PAX8: variants seen among roughly 807,000 people sequenced by gnomAD.
PAX8 encodes the protein paired box protein Pax-8.
PAX8 carries 15 observed loss-of-function variants against 52.4 expected under a neutral mutation model. The observed-to-expected ratio is 0.29, with a 90% CI of 0.19 to 0.44. The LOEUF is 0.44. Ranked by LOEUF, PAX8 falls within the 20% of genes least tolerant of loss-of-function variation. The pLI is 1.00. For missense variants in PAX8, 554 were observed against 602.5 expected (o/e 0.92, Z 0.84); for synonymous variants, 284 against 249.7 (o/e 1.14, Z -1.29).
intron 1 of PAX8, 64 bp from the exon 2 acceptor site, chr2:113,278,533 C>T: frequency 2.3e-6 from 3 of 1,317,770 alleles, no homozygotes; most frequent in Non-Finnish European, 2.1e-6. Flanking sequence ...CCTCAGGCCC[C>T]CTCCCCAGGC....
Position 113,244,541 on chromosome 2 carries a change from A to G in PAX8, c.275T>C (p.Ile92Thr), listed in dbSNP as rs1246188811. Residue 92 changes from isoleucine to threonine, a missense_variant, in exon 4 of 12, where the codon ATT becomes ACT. Coordinates refer to ENST00000429538, the MANE Select transcript of PAX8 (RefSeq NM_003466.4). ...KVATPKVVEKIGDYKRQNPTM... is the reference protein window; with the variant it reads ...KVATPKVVEKTGDYKRQNPTM... ...AGGGTTCTGGCGTTTGTAGTCCCCA[A>G]TCTTCTCCACCACCTTGGGGGTGGC... is the stretch of plus-strand genomic sequence containing the variant. 5.6e-6 allele frequency: 9 copies of G among 1,613,916 alleles called. No homozygotes were observed. The highest frequency in any genetic ancestry group is 5.1e-6 in the Non-Finnish European group (6 of 1,179,966).
chr2:113,252,251 A>G (rs1451262404), intron 2 of PAX8, among the ~76,000 whole-genome samples: 1 of 152,196 alleles, frequency 6.6e-6, no homozygotes, highest in African/African-American at 2.4e-5. Flanking sequence ...TGCCTTTCAA[A>G]TCATGCCAGG....
intron 9 of PAX8, among the ~76,000 whole-genome samples, chr2:113,233,692 CA>C (rs1247417571): frequency 1.0e-4 from 14 of 136,054 alleles, no homozygotes; most frequent in South Asian, 1.0e-3. Context: ...AACAAAAAAA[CA>C]AAAAAAAAAG....
At chr2:113,234,628 C>G (rs548252803) in intron 9 of PAX8, among the ~76,000 whole-genome samples, 110 of 152,352 alleles carry the variant, frequency 7.2e-4, no homozygotes, top group African/African-American at 2.5e-3. Context: ...TCAAGCGATT[C>G]TCCTGCCTCG....
intron 6 of PAX8, 43 bp from the exon 7 acceptor site, chr2:113,241,769 C>A: frequency 3.1e-6 from 5 of 1,603,408 alleles, no homozygotes; most frequent in African/African-American, 2.7e-5. Flanking sequence ...GGGGACCTAT[C>A]TATTCATGCT....
intron 9 of PAX8, among the ~76,000 whole-genome samples, chr2:113,229,365 G>A (rs1689759729): frequency 6.6e-6 from 1 of 152,232 alleles, no homozygotes; most frequent in African/African-American, 2.4e-5. Context: ...CATGCTACAG[G>A]TGGACATTGA....
intron 9 of PAX8, among the ~76,000 whole-genome samples, chr2:113,231,066 G>A (rs1689859519): frequency 6.6e-6 from 1 of 152,254 alleles, no homozygotes; most frequent in Non-Finnish European, 1.5e-5. Flanking sequence ...AATTCAGAGG[G>A]TAGAGGTGAT....
chr2:113,267,859 T>C (rs2104589133), intron 2 of PAX8: 1 of 152,404 alleles, frequency 6.6e-6, no homozygotes, highest in African/African-American at 2.4e-5. Context: ...TATTCATGTG[T>C]GCATGTATAT....
At chr2:113,262,018 C>G (rs1234472263) in intron 2 of PAX8, among the ~76,000 whole-genome samples, 1 of 152,020 alleles carries the variant, frequency 6.6e-6, no homozygotes, top group Non-Finnish European at 1.5e-5. Flanking sequence ...TTAGTACAGA[C>G]AGGGTTTCGT....
At chr2:113,278,328 C>T in intron 2 of PAX8, 42 bp downstream of exon 2, 1 of 1,463,742 alleles carries the variant, frequency 6.8e-7, no homozygotes, top group Non-Finnish European at 9.5e-7. Flanking sequence ...GGACGCTCAG[C>T]GGCGCGGGGG....
chr2:113,235,891 C>T (rs112343175), intron 8 of PAX8: 4 of 371,674 alleles, frequency 1.1e-5, no homozygotes, highest in Non-Finnish European at 1.9e-5. Flanking sequence ...CGCGACCCCT[C>T]GGCCCACCTT....
At chr2:113,273,471 A>G (rs1693603137) in intron 2 of PAX8, 1 of 152,096 alleles carries the variant, frequency 6.6e-6, no homozygotes, top group Admixed American at 6.5e-5. Context: ...TCTTTGATCT[A>G]GATGGGAATC....
chr2:113,236,056 G>C (rs1249461120), intron 8 of PAX8: 1 of 228,312 alleles, frequency 4.4e-6, no homozygotes, highest in African/African-American at 2.5e-5. Flanking sequence ...TAGGACCGGA[G>C]GCGCGACCCC....
rs1394257960 is a variant in PAX8 at position 113,244,564 on chromosome 2, G to A, written c.252C>T (p.Ala84=). 1.2e-6 allele frequency: 2 copies of A among 1,614,008 alleles called. No individual in the cohort carries two copies. Among genetic ancestry groups the A allele is most frequent in the Admixed American group, 1.7e-5 (1 of 60,006 alleles). Residue 84 remains alanine (A), a synonymous_variant, in exon 4 of 12, where the codon GCC becomes GCT. Transcript: ENST00000429538. The part of the protein sequence containing the change: ...GVIGGSKPKV[A]TPKVVEKIGD... ...CAATCTTCTCCACCACCTTGGGGGT[G>A]GCCACCTTGGGCTTGGAGCCCCCTA...
rs1690898658 is a variant in PAX8, at chr2:113,242,071, A to G, written c.538T>C (p.Tyr180His). The change falls in exon 6 of 12, where the codon TAC (tyrosine) becomes CAC (histidine). Residue 180 changes from tyrosine to histidine, a missense_variant. Physicochemically the swap from Tyr to His is moderately conservative, Grantham distance 83. Around this residue, in one of 2 missense-constraint regions of PAX8, gnomAD observed 445 missense variants for 409.9 expected, o/e 1.09. Transcript: ENST00000429538. ...ATGCCCAGGAGCCCATTGATGGAGT[A>G]GGTGGAGCCCAGGGAATCCGACTGG... is the stretch of plus-strand genomic sequence containing the variant. ...SPQSDSLGST[Y>H]SINGLLGIAQ... 2 of 1,613,666 alleles carry G rather than the reference A, an allele frequency of 1.2e-6. No individual in the cohort carries two copies. The highest frequency in any genetic ancestry group is 1.7e-6 in the Non-Finnish European group (2 of 1,179,730).
At chr2:113,271,916 A>C (rs771109998) in intron 2 of PAX8, 35 of 152,032 alleles carry the variant, frequency 2.3e-4, no homozygotes, top group Admixed American at 2.2e-3. Flanking sequence ...CACCTGTGGC[A>C]GTCCTCAGAG....
chr2:113,235,278 G>C (rs1241700032), intron 9 of PAX8, 116 bp downstream of exon 9: 19 of 846,452 alleles, frequency 2.2e-5, no homozygotes, highest in Non-Finnish European at 3.2e-5. Flanking sequence ...GAGGAATTAG[G>C]GAACAGGGTG....
At chr2:113,233,417 C>A (rs958948320) in intron 9 of PAX8, among the ~76,000 whole-genome samples, 1 of 151,664 alleles carries the variant, frequency 6.6e-6, no homozygotes, top group East Asian at 1.9e-4. Flanking sequence ...TGCAGTGGCT[C>A]ACACCTGTAA....
At chr2:113,251,234 G>A (rs546778233) in intron 2 of PAX8, among the ~76,000 whole-genome samples, 2 of 152,298 alleles carry the variant, frequency 1.3e-5, no homozygotes, top group East Asian at 1.9e-4. Context: ...AGAGGTGGGT[G>A]CAGACTTCCT....
Sources: allele counts gnomAD v4.1 joint callset (sites outside exome capture counted in the v4.1 genomes callset), GRCh38; gene constraint gnomAD v4.1.1; regional missense constraint gnomAD v4.1.1; transcripts MANE v1.5; gene names NCBI Gene and HGNC (gene_info 2026-07-23, HGNC 2026-07-21).